The following FGGY variants were observed in gnomAD, a reference collection of about 807,000 sequenced individuals.
The protein encoded by FGGY is FGGY carbohydrate kinase domain-containing protein.
A neutral mutation model predicts 71.3 loss-of-function variants in FGGY; 72 were observed. The ratio of observed to expected loss-of-function variants is 1.01; its 90% confidence interval spans 0.84 to 1.23. The LOEUF is 1.23. FGGY is among the 50% of genes most tolerant of loss of function. The pLI, the probability that FGGY is intolerant of heterozygous loss-of-function variation, is 0.00. For missense variants in FGGY, 668 were observed against 682.3 expected, an observed-to-expected ratio of 0.98 and a Z score of 0.23; for synonymous variants, 251 against 250.3, an observed-to-expected ratio of 1.00 and a Z score of -0.02.
intron 8 of FGGY, among the ~76,000 whole-genome samples, chr1:59,585,135 C>T (rs2096262330): frequency 6.6e-6 from 1 of 152,106 alleles, no homozygotes; most frequent in African/African-American, 2.4e-5. Flanking sequence ...CATCAAGCTA[C>T]CAATGACTTT....
chr1:59,665,364 G>C (rs1029405346), intron 12 of FGGY, among the ~76,000 whole-genome samples: 1 of 152,080 alleles, frequency 6.6e-6, no homozygotes. Context: ...GGAGGCCCAG[G>C]TTTTACCTAA....
intron 14 of FGGY, among the ~76,000 whole-genome samples, chr1:59,754,428 T>G (rs996500697): frequency 2.6e-5 from 4 of 152,326 alleles, no homozygotes; most frequent in South Asian, 2.1e-4. Flanking sequence ...TGTTTGGTTT[T>G]GTTTTGAGAT....
Position 59,601,892 on chromosome 1 carries a change from A to G in FGGY, c.904-5911A>G, listed in dbSNP as rs1198798950. ...CATGAAGTTGACAGAAAAACCCACA[A>G]TAATCTTGGCCACAGGTTATGGAGC... On this transcript the variant is annotated intron_variant, in intron 8 of 15. Transcript: ENST00000303721. Among the ~76,000 whole-genome samples the G allele has an allele frequency of 3.3e-5, 5 of 152,348 alleles. No individual in the cohort carries two copies. In the East Asian group the frequency reaches 7.7e-4, roughly 23 times the overall value.
chr1:59,356,964 A>G (rs1349203865), intron 4 of FGGY, among the ~76,000 whole-genome samples: 2 of 152,198 alleles, frequency 1.3e-5, no homozygotes, highest in Non-Finnish European at 2.9e-5. Context: ...TCCAAGACTC[A>G]TCTTCTCAAT....
chr1:59,582,964 G>GGATCCAAAGGAGCTATAAGGGTGC (rs1553309522), intron 8 of FGGY, among the ~76,000 whole-genome samples: 2 of 145,546 alleles, frequency 1.4e-5, no homozygotes, highest in East Asian at 2.0e-4. Flanking sequence ...ATCCAAAGGA[G>GGATCCAAAGGAGCTATAAGGGTGC]TTTACCATTT....
At chr1:59,413,634 A>T (rs1354867893) in intron 5 of FGGY, among the ~76,000 whole-genome samples, 5 of 152,070 alleles carry the variant, frequency 3.3e-5, no homozygotes, top group Non-Finnish European at 7.4e-5. Flanking sequence ...TAAGAAATTC[A>T]TTTAGGTACC....
At chr1:59,533,942 A>T (rs1297444534) in intron 7 of FGGY, among the ~76,000 whole-genome samples, 3 of 152,262 alleles carry the variant, frequency 2.0e-5, no homozygotes, top group Non-Finnish European at 4.4e-5. Context: ...CTCCAAAGGA[A>T]CGGAGTTCCT....
At chr1:59,563,022 T>C (rs2095817441) in intron 8 of FGGY, among the ~76,000 whole-genome samples, 1 of 152,242 alleles carries the variant, frequency 6.6e-6, no homozygotes, top group Admixed American at 6.5e-5. Flanking sequence ...TTTCTAAATA[T>C]ACAATTATGT....
intron 5 of FGGY, among the ~76,000 whole-genome samples, chr1:59,380,801 A>G (rs2059330048): frequency 6.6e-6 from 1 of 151,446 alleles, no homozygotes; most frequent in Non-Finnish European, 1.5e-5. Flanking sequence ...GTTTAATGAG[A>G]TCCCATTTGT....
At chr1:59,355,601 A>G (rs532213612) in intron 4 of FGGY, among the ~76,000 whole-genome samples, 1 of 151,086 alleles carries the variant, frequency 6.6e-6, no homozygotes, top group Non-Finnish European at 1.5e-5. Flanking sequence ...CATGCTAGGG[A>G]CTTCACAGGC....
chr1:59,298,528 G>A (rs1034303454), intron 1 of FGGY, among the ~76,000 whole-genome samples: 2 of 152,196 alleles, frequency 1.3e-5, no homozygotes, highest in Admixed American at 1.3e-4. Flanking sequence ...TCCAGGCTGT[G>A]TTAGTTTTTG....
intron 6 of FGGY, among the ~76,000 whole-genome samples, chr1:59,475,873 G>A (rs1436285279): frequency 6.6e-6 from 1 of 152,200 alleles, no homozygotes; most frequent in Non-Finnish European, 1.5e-5. Context: ...TTTTAAAAAT[G>A]TAAATCAGAT....
At chr1:59,661,203 T>G (rs887399730) in intron 12 of FGGY, among the ~76,000 whole-genome samples, 1 of 152,252 alleles carries the variant, frequency 6.6e-6, no homozygotes, top group South Asian at 2.1e-4. Flanking sequence ...TTCACACAAC[T>G]GTTTTCATAA....
chr1:59,435,228 A>G (rs1245488370), intron 5 of FGGY, among the ~76,000 whole-genome samples: 2 of 152,234 alleles, frequency 1.3e-5, no homozygotes, highest in Non-Finnish European at 2.9e-5. Flanking sequence ...CCTAAGGCAC[A>G]AAGAGGTTGA....
chr1:59,475,536 G>A (rs2094092322), intron 6 of FGGY, among the ~76,000 whole-genome samples: 1 of 152,066 alleles, frequency 6.6e-6, no homozygotes, highest in African/African-American at 2.4e-5. Context: ...TTTACACTTG[G>A]GGAAGCCAGG....
intron 1 of FGGY, chr1:59,315,805 G>A (rs1227974381): frequency 6.6e-6 from 1 of 152,214 alleles, no homozygotes; most frequent in Non-Finnish European, 1.5e-5. Flanking sequence ...CCATGGAAGT[G>A]TTTGGGTTTC....
intron 5 of FGGY, among the ~76,000 whole-genome samples, chr1:59,384,009 A>G (rs962380839): frequency 1.1e-4 from 16 of 152,188 alleles, no homozygotes; most frequent in African/African-American, 3.9e-4. Flanking sequence ...TGTCTCAGAT[A>G]CTTTTGGGTT....
chr1:59,750,810 C>T (rs1179036391), intron 14 of FGGY, among the ~76,000 whole-genome samples: 2 of 152,066 alleles, frequency 1.3e-5, no homozygotes, highest in Admixed American at 6.6e-5. Context: ...GTGCCTCAGC[C>T]CACACATTAG....
intron 8 of FGGY, among the ~76,000 whole-genome samples, chr1:59,596,826 A>T (rs563690889): frequency 6.6e-6 from 1 of 152,270 alleles, no homozygotes; most frequent in African/African-American, 2.4e-5. Flanking sequence ...CCCAGGTAAC[A>T]TATCAGGCAG....
Sources: allele counts gnomAD v4.1 joint callset (sites outside exome capture counted in the v4.1 genomes callset), GRCh38; gene constraint gnomAD v4.1.1; transcripts MANE v1.5; gene names NCBI Gene and HGNC (gene_info 2026-07-23, HGNC 2026-07-21).